IFNGR2: variants seen among roughly 807,000 people sequenced by gnomAD.
IFNGR2 encodes the protein interferon gamma receptor 2, also known as IFN-gamma receptor 2.
A neutral mutation model predicts 41.1 loss-of-function variants in IFNGR2; 15 were observed. The observed-to-expected ratio is 0.37, with a 90% CI of 0.24 to 0.56. The LOEUF (loss-of-function observed/expected upper bound fraction) is 0.56, where lower values mean the gene tolerates loss of function less well. Among genes scored for constraint, IFNGR2 ranks in the 20% least tolerant of loss-of-function variants. The probability of loss-of-function intolerance (pLI) is 0.81; values close to 1 mark genes in which losing one functional copy is unlikely to be tolerated. For missense variants in IFNGR2, 362 were observed against 415.7 expected (o/e 0.87, Z 1.12); for synonymous variants, 161 against 171.6 (o/e 0.94, Z 0.48).
At position 33,428,213 on chromosome 21, in the gene IFNGR2, T is replaced by G. The variant is rs537416318; in HGVS notation, c.561+1181T>G. On this transcript the variant is annotated intron_variant, in intron 4 of 6. Coordinates refer to ENST00000290219, the MANE Select transcript of IFNGR2 (RefSeq NM_005534.4). Reference sequence around the variant, plus strand: ...TTGTATCTGCACTTCTCCTTCATTTTTTTTTTTTTTTTAATTATTGTTCTT... The same window carrying G: ...TTGTATCTGCACTTCTCCTTCATTTGTTTTTTTTTTTTAATTATTGTTCTT... Among the ~76,000 whole-genome samples, 49 of 150,382 alleles carry G rather than the reference T, an allele frequency of 3.3e-4. No homozygotes were observed. In the South Asian group the frequency reaches 9.8e-3, roughly 30 times the overall value.
intron 1 of IFNGR2, chr21:33,411,396 G>A (rs1423893971): frequency 1.5e-5 from 7 of 469,264 alleles, no homozygotes; most frequent in African/African-American, 4.0e-5. Flanking sequence ...AGAGGTGCCC[G>A]GAAAGGGAAG....
intron 4 of IFNGR2, 77 bp downstream of exon 4, chr21:33,427,109 A>C: frequency 5.4e-6 from 7 of 1,307,318 alleles, no homozygotes; most frequent in Non-Finnish European, 7.8e-6. Context: ...GAAACCTTTA[A>C]CATGGGCAAG....
At chr21:33,428,021 G>A (rs781211873) in intron 4 of IFNGR2, among the ~76,000 whole-genome samples, 5 of 151,092 alleles carry the variant, frequency 3.3e-5, no homozygotes, top group African/African-American at 7.3e-5. Flanking sequence ...ATGAGCCACC[G>A]TGCCCGGCCC....
upstream of IFNGR2, chr21:33,403,018 G>C (rs980935214): frequency 3.7e-4 from 56 of 151,506 alleles, no homozygotes; most frequent in African/African-American, 1.3e-3. Flanking sequence ...ATGTACTTTG[G>C]GGGCTATTAA....
intron 6 of IFNGR2, among the ~76,000 whole-genome samples, chr21:33,436,082 G>C (rs1025944259): frequency 6.6e-6 from 1 of 151,630 alleles, no homozygotes; most frequent in African/African-American, 2.4e-5. Context: ...TTGTTGCCGG[G>C]TGCAGTGGCT....
rs1413422581 is a variant in IFNGR2, at chr21:33,432,451, A to T, written c.721+115A>T. The T allele has an allele frequency of 4.8e-6, 5 of 1,041,408 alleles. No individual in the cohort carries two copies. In the East Asian group the frequency reaches 1.2e-4, roughly 25 times the overall value. The allele number at this position is 1,041,408 out of a possible 1,614,324, so 64.5% of individuals were successfully genotyped here. On this transcript the variant is annotated intron_variant, in intron 5 of 6. Transcript: ENST00000290219. ...GGTGGGAGTGGGGAGACCCAGTGAG[A>T]AGAGTGCTGAACTGCAGGAATAATG...
chr21:33,416,957 G>A (rs1390053829), intron 2 of IFNGR2, among the ~76,000 whole-genome samples: 34 of 132,634 alleles, frequency 2.6e-4, no homozygotes, highest in East Asian at 8.5e-4. Context: ...CAAAGTCTCC[G>A]TCACCCAGGC....
In IFNGR2 at chr21:33,403,630, G is replaced by A; in HGVS notation, c.73+14G>A. On this transcript the variant is annotated intron_variant, in intron 1 of 6. Transcript: ENST00000290219. ...CGGCCCCGCCAGGTGAGCCGGGCCT[G>A]GGCCTCCGCGGCGGGACGCGGGCGC... is the stretch of plus-strand genomic sequence containing the variant. 1 of 1,319,232 alleles carries A rather than the reference G, an allele frequency of 7.6e-7. No individual in the cohort carries two copies. Among genetic ancestry groups the A allele is most frequent in the Non-Finnish European group, 9.6e-7 (1 of 1,037,584 alleles). 81.7% of individuals were successfully genotyped at this position (1,319,232 alleles called of 1,614,324 possible). A position where few individuals can be genotyped will look rare whatever the true frequency, so the allele number is the denominator to read the frequency against.
At chr21:33,430,397 G>A (rs1417190222) in intron 4 of IFNGR2, among the ~76,000 whole-genome samples, 2 of 152,104 alleles carry the variant, frequency 1.3e-5, no homozygotes, top group African/African-American at 2.4e-5. Flanking sequence ...AAACCATCAA[G>A]TAATACTATT....
intron 4 of IFNGR2, among the ~76,000 whole-genome samples, chr21:33,429,569 T>C (rs8128362): frequency 0.92 from 139,291 of 152,222 alleles, 63,891 homozygotes; most frequent in East Asian, 1. Flanking sequence ...CAGGAGCCCT[T>C]CCTGAGCTGA....
intron 1 of IFNGR2, chr21:33,411,622 C>T (rs529671253): frequency 1.4e-5 from 6 of 423,920 alleles, no homozygotes; most frequent in Non-Finnish European, 3.0e-5. Flanking sequence ...CATTGTTGGG[C>T]CAAGTGGCCT....
chr21:33,414,974 C>T lies in IFNGR2; in HGVS notation c.160C>T (p.Leu54=). The change falls in exon 2 of 7, where the codon CTG becomes TTG. Residue 54 remains leucine, a synonymous_variant. Coordinates refer to ENST00000290219, the MANE Select transcript of IFNGR2 (RefSeq NM_005534.4). ...GGTCCTGAGTTGGGAGCCAGTGGCC[C>T]TGAGCAATAGCACGAGGCCTGTTGT... is the stretch of plus-strand genomic sequence containing the variant. ...EQVLSWEPVA[L]SNSTRPVVYQ... 6.2e-7 allele frequency: 1 copy of T among 1,614,178 alleles called. No homozygotes were observed. Among genetic ancestry groups the T allele is most frequent in the Non-Finnish European group, 8.5e-7 (1 of 1,180,018 alleles).
chr21:33,406,469 AAAAC>A (rs1372782808), intron 1 of IFNGR2, among the ~76,000 whole-genome samples: 1 of 152,150 alleles, frequency 6.6e-6, no homozygotes, highest in Admixed American at 6.6e-5. Context: ...AAACAGCTTA[AAAAC>A]AAACCTAATG....
upstream of IFNGR2, chr21:33,403,411 C>A: frequency 2.7e-6 from 1 of 365,682 alleles, no homozygotes; most frequent in Non-Finnish European, 4.0e-6. Flanking sequence ...GGACGCCCCG[C>A]TGCTGCTCGG....
At chr21:33,419,166 C>T (rs2083773549) in intron 2 of IFNGR2, among the ~76,000 whole-genome samples, 1 of 152,256 alleles carries the variant, frequency 6.6e-6, no homozygotes, top group South Asian at 2.1e-4. Context: ...ACTGCAGTGG[C>T]GTGATCTCAG....
chr21:33,427,065 CTT>C lies in IFNGR2; in HGVS notation c.561+36_561+37del, dbSNP rs1369321858. 3 of 1,591,236 alleles carry C rather than the reference CTT, an allele frequency of 1.9e-6. No individual in the cohort carries two copies. In the South Asian group the frequency reaches 3.3e-5, roughly 18 times the overall value. On this transcript the variant is annotated intron_variant, in intron 4 of 6. Coordinates refer to ENST00000290219, the MANE Select transcript of IFNGR2 (RefSeq NM_005534.4). ...CATCTTTCTTTTTTGTTTGGATTTT[CTT>C]TTCTTTGCAGTTTCTGGCTTAGCAA...
At chr21:33,424,963 G>A (rs549393499) in intron 3 of IFNGR2, among the ~76,000 whole-genome samples, 4 of 152,288 alleles carry the variant, frequency 2.6e-5, no homozygotes, top group African/African-American at 9.6e-5. Flanking sequence ...GGGCTGGAGT[G>A]CAGTGGCCCG....
chr21:33,423,066 G>GTC (rs1207834515), intron 3 of IFNGR2, among the ~76,000 whole-genome samples: 2 of 133,362 alleles, frequency 1.5e-5, no homozygotes, highest in East Asian at 2.2e-4. Flanking sequence ...TTGAGACGGA[G>GTC]TCTCTCTCTC....
chr21:33,436,449 G>A lies in IFNGR2; in HGVS notation c.880-379G>A, dbSNP rs1472016175. Among the ~76,000 whole-genome samples the A allele has an allele frequency of 1.2e-4, 19 of 152,304 alleles. No individual in the cohort carries two copies. The East Asian group carries it at 3.1e-3, about 25-fold the overall frequency. ...CAATTAAAACTAAAGTAGGCCAGGC[G>A]TAGTGGCTCACGCCTATAATCCCAG... On this transcript the variant is annotated intron_variant, in intron 6 of 6. Coordinates refer to ENST00000290219, the MANE Select transcript of IFNGR2 (RefSeq NM_005534.4).
Sources: allele counts gnomAD v4.1 joint callset (sites outside exome capture counted in the v4.1 genomes callset), GRCh38; gene constraint gnomAD v4.1.1; transcripts MANE v1.5; gene names NCBI Gene and HGNC (gene_info 2026-07-23, HGNC 2026-07-21).